The following ZNF804A variants were observed in gnomAD, a reference collection of about 807,000 sequenced individuals.
The protein encoded by ZNF804A is zinc finger protein 804A.
In ZNF804A, 2 loss-of-function variants were observed where a neutral mutation model predicts 16.5. The ratio of observed to expected loss-of-function variants is 0.12; its 90% CI spans 0.05 to 0.38. ZNF804A has a LOEUF of 0.38. ZNF804A is among the 10% of genes least tolerant of loss of function. ZNF804A has a pLI of 0.99. For synonymous variants in ZNF804A, 534 were observed against 489.6 expected (o/e 1.09, Z -1.20); for missense variants, 1,473 against 1,390.7 (o/e 1.06, Z -0.94).
chr2:184,931,170 T>C (rs1685694459), intron 2 of ZNF804A, among the ~76,000 whole-genome samples: 1 of 152,174 alleles, frequency 6.6e-6, no homozygotes, highest in South Asian at 2.1e-4. Flanking sequence ...TCCAGGCACA[T>C]GGTATAAGCT....
intron 1 of ZNF804A, among the ~76,000 whole-genome samples, chr2:184,656,331 T>TAGG (rs1692073742): frequency 6.6e-6 from 1 of 152,152 alleles, no homozygotes; most frequent in South Asian, 2.1e-4. Context: ...ACTAAATTTA[T>TAGG]AGGAGTGTTA....
chr2:184,773,305 T>A (rs920921111), intron 1 of ZNF804A, among the ~76,000 whole-genome samples: 1 of 151,772 alleles, frequency 6.6e-6, no homozygotes, highest in Admixed American at 6.6e-5. Context: ...CTCCAACCAA[T>A]ACCTGTATCT....
intron 2 of ZNF804A, among the ~76,000 whole-genome samples, chr2:184,894,020 C>T (rs1346072956): frequency 6.6e-6 from 1 of 152,074 alleles, no homozygotes. Context: ...ATTGTCTAAT[C>T]ATAAAACCTT....
chr2:184,861,821 T>A (rs1395314720), intron 1 of ZNF804A, among the ~76,000 whole-genome samples: 1 of 152,308 alleles, frequency 6.6e-6, no homozygotes, highest in South Asian at 2.1e-4. Context: ...TAAACCATTA[T>A]CTTCTCTATT....
chr2:184,774,809 CAA>C (rs1314923894), intron 1 of ZNF804A, among the ~76,000 whole-genome samples: 2 of 151,722 alleles, frequency 1.3e-5, no homozygotes, highest in East Asian at 3.9e-4. Context: ...AGAATGAAAT[CAA>C]AGAGTGGGAA....
chr2:184,604,831 C>T (rs987047952), intron 1 of ZNF804A, among the ~76,000 whole-genome samples: 1 of 152,036 alleles, frequency 6.6e-6, no homozygotes, highest in Non-Finnish European at 1.5e-5. Context: ...CCACATATTG[C>T]TTGAACTGAA....
rs550410121 is a variant in ZNF804A, at chr2:184,706,741, A to G, written c.111+107671A>G. ...GCTGTAATAGTTTTGATTGCACTCT[A>G]TGTTTCATTATTCATTGGAGAGCTG... is the stretch of plus-strand genomic sequence containing the variant. On this transcript the variant is annotated intron_variant, in intron 1 of 3. Transcript: ENST00000302277. Among the ~76,000 whole-genome samples, 3 of 152,256 alleles carry G rather than the reference A, an allele frequency of 2.0e-5. No individual in the cohort carries two copies. In the East Asian group the frequency reaches 5.8e-4, roughly 29 times the overall value.
chr2:184,703,759 C>T (rs935007216), intron 1 of ZNF804A, among the ~76,000 whole-genome samples: 1 of 147,382 alleles, frequency 6.8e-6, no homozygotes, highest in Non-Finnish European at 1.5e-5. Flanking sequence ...CATTTGTTTG[C>T]AAAAGAAGAG....
intron 2 of ZNF804A, among the ~76,000 whole-genome samples, chr2:184,932,044 C>A (rs1287219512): frequency 1.3e-5 from 2 of 152,156 alleles, no homozygotes; most frequent in African/African-American, 2.4e-5. Flanking sequence ...TTCCTCATCT[C>A]CATCTGAGAC....
At chr2:184,688,876 T>C (rs920103973) in intron 1 of ZNF804A, among the ~76,000 whole-genome samples, 4 of 152,196 alleles carry the variant, frequency 2.6e-5, no homozygotes, top group Non-Finnish European at 4.4e-5. Context: ...AAATGAATTA[T>C]AGACTGCAGT....
chr2:184,869,854 C>T (rs948910045), intron 2 of ZNF804A, among the ~76,000 whole-genome samples: 1 of 152,014 alleles, frequency 6.6e-6, no homozygotes, highest in Admixed American at 6.6e-5. Context: ...AAAGGAAATT[C>T]GGTTTCCTTT....
At chr2:184,858,312 T>C (rs1244550783) in intron 1 of ZNF804A, among the ~76,000 whole-genome samples, 1 of 152,002 alleles carries the variant, frequency 6.6e-6, no homozygotes. Context: ...AAGACCAACC[T>C]GGACAACATG....
chr2:184,639,276 G>A lies in ZNF804A; in HGVS notation c.111+40206G>A, dbSNP rs1691754042. Among the ~76,000 whole-genome samples the A allele has an allele frequency of 3.3e-5, 5 of 151,798 alleles. No homozygotes were observed. In the South Asian group the frequency reaches 1.0e-3, roughly 32 times the overall value. On this transcript the variant is annotated intron_variant, in intron 1 of 3. Coordinates refer to ENST00000302277, the MANE Select transcript of ZNF804A (RefSeq NM_194250.2). ...TTTAGCAGAGACGAGGTTTCACCAT[G>A]TTGGTCAGGCTGGCCTCAAACTCCT...
intron 1 of ZNF804A, among the ~76,000 whole-genome samples, chr2:184,680,597 G>A (rs1692524704): frequency 6.6e-6 from 1 of 152,256 alleles, no homozygotes. Context: ...CCTGTGGAAA[G>A]GAGCTAACAC....
rs1461432164 is a variant in ZNF804A, at chr2:184,834,136, CTTT to C, written c.112-32230_112-32228del. 2.0e-5 allele frequency among the ~76,000 whole-genome samples: 3 copies of C among 151,964 alleles called. No homozygotes were observed. The East Asian group carries it at 5.8e-4, about 29-fold the overall frequency. ...TAATTTGCATTATATTATAAAAATACTTTTTATCTCCATGATTTATTTACATGC... is the reference window on the plus strand; with the variant it reads ...TAATTTGCATTATATTATAAAAATACTTATCTCCATGATTTATTTACATGC... On this transcript the variant is annotated intron_variant, in intron 1 of 3. Coordinates refer to ENST00000302277, the MANE Select transcript of ZNF804A (RefSeq NM_194250.2).
At chr2:184,875,766 T>TAAAAAA (rs562501754) in intron 2 of ZNF804A, among the ~76,000 whole-genome samples, 1 of 120,346 alleles carries the variant, frequency 8.3e-6, no homozygotes. Flanking sequence ...TCATTGACAT[T>TAAAAAA]AAAAAAAAAA....
At chr2:184,748,642 T>A (rs1174909426) in intron 1 of ZNF804A, among the ~76,000 whole-genome samples, 1 of 151,644 alleles carries the variant, frequency 6.6e-6, no homozygotes, top group Admixed American at 6.6e-5. Context: ...TAGGCCCTAT[T>A]TGTCAATTTC....
chr2:184,749,972 TAATG>T (rs1054283017), intron 1 of ZNF804A, among the ~76,000 whole-genome samples: 75 of 151,422 alleles, frequency 5.0e-4, no homozygotes, highest in African/African-American at 1.7e-3. Context: ...TGCATAAAGA[TAATG>T]AATACTTATA....
intron 1 of ZNF804A, among the ~76,000 whole-genome samples, chr2:184,683,112 A>G (rs1692568563): frequency 6.6e-6 from 1 of 152,292 alleles, no homozygotes; most frequent in South Asian, 2.1e-4. Flanking sequence ...TTTTATTTGA[A>G]TTGCAGTATC....
Sources: allele counts gnomAD v4.1 joint callset (sites outside exome capture counted in the v4.1 genomes callset), GRCh38; gene constraint gnomAD v4.1.1; transcripts MANE v1.5; gene names NCBI Gene and HGNC (gene_info 2026-07-23, HGNC 2026-07-21).